TSPYL1: variants seen among roughly 807,000 people sequenced by gnomAD.
The protein encoded by TSPYL1 is testis-specific Y-encoded-like protein 1.
Under a neutral mutation model 20.1 loss-of-function variants are expected in TSPYL1, and 16 were observed. The observed-to-expected ratio is 0.80, with a 90% CI of 0.54 to 1.21. TSPYL1 has a LOEUF of 1.21. Ranked by LOEUF, TSPYL1 falls within the 50% of genes most tolerant of loss-of-function variation. TSPYL1 has a pLI of 0.00. For missense variants in TSPYL1, 560 were observed against 569.3 expected, an observed-to-expected ratio of 0.98 and a Z score of 0.17; for synonymous variants, 259 against 227.1, an observed-to-expected ratio of 1.14 and a Z score of -1.26.
rs386408358 is a variant in TSPYL1, at chr6:116,275,798, C to CAA, written c.*2717_*2718dup. 0.21 allele frequency among the ~76,000 whole-genome samples: 22,466 copies of CAA among 105,236 alleles called. 2,223 individuals carry two copies. Among genetic ancestry groups the CAA allele is most frequent in the African/African-American group, 0.28 (9,316 of 33,352 alleles). 69.0% of individuals were successfully genotyped at this position (105,236 alleles called of 152,430 possible). On this transcript the variant is annotated 3_prime_UTR_variant, in exon 1 of 1. Transcript: ENST00000368608. ...CCTGGGCAAGAGTGGGACTCTATCT[C>CAA]AAAAAAAAAAAAAAAAAATGCTAGA...
Position 116,278,808 on chromosome 6 carries a change from C to T in TSPYL1, c.1023G>A (p.Glu341=), listed in dbSNP as rs760866590. 6.2e-7 allele frequency: 1 copy of T among 1,614,110 alleles called. No homozygotes were observed. Among genetic ancestry groups the T allele is most frequent in the South Asian group, 1.1e-5 (1 of 91,078 alleles). ...FRNKLIVKEY[E]VRSSGRVVSL... ...ACACCACTCGGCCGGAGGATCTTAC[C>T]TCATATTCCTTGACAATCAGCTTGT... is the stretch of plus-strand genomic sequence containing the variant. Residue 341 remains glutamate (E), a synonymous_variant, in exon 1 of 1, where the codon GAG becomes GAA. Transcript: ENST00000368608.
Position 116,279,189 on chromosome 6 carries a change from C to G in TSPYL1, c.642G>C (p.Ala214=). 6.2e-7 allele frequency: 1 copy of G among 1,611,682 alleles called. No homozygotes were observed. Among genetic ancestry groups the G allele is most frequent in the Non-Finnish European group, 8.5e-7 (1 of 1,179,648 alleles). Residue 214 remains alanine (A), a synonymous_variant, in exon 1 of 1, where the codon GCG becomes GCC. Coordinates refer to ENST00000368608, the MANE Select transcript of TSPYL1 (RefSeq NM_003309.4). The part of the protein sequence containing the change: ...VAEEDRLEEE[A]REEEGPWPLH... Reference sequence around the variant, plus strand: ...AAGGCCAGGGCCCTTCTTCCTCCCTCGCCTCCTCCTCCAATCTATCCTCCT... The same window carrying G: ...AAGGCCAGGGCCCTTCTTCCTCCCTGGCCTCCTCCTCCAATCTATCCTCCT...
rs1303472563 is a variant in TSPYL1 at position 116,277,034 on chromosome 6, CAT to C, written c.*1481_*1482del. On this transcript the variant is annotated 3_prime_UTR_variant, in exon 1 of 1. Transcript: ENST00000368608. ...CAAGTTGAAAACTGTTATGACTATT[CAT>C]ATGTCTCTATATTGTACAGGCAAGT... 10 of 152,244 alleles carry C rather than the reference CAT, an allele frequency of 6.6e-5. No individual in the cohort carries two copies. Among genetic ancestry groups the C allele is most frequent in the Admixed American group, 3.9e-4 (6 of 15,296 alleles). The allele number at this position is 152,244 out of a possible 1,614,324, so 9.4% of individuals were successfully genotyped here.
At position 116,277,814 on chromosome 6, in the gene TSPYL1, A is replaced by G. The variant is rs1461183685; in HGVS notation, c.*703T>C. On this transcript the variant is annotated 3_prime_UTR_variant, in exon 1 of 1. Coordinates refer to ENST00000368608, the MANE Select transcript of TSPYL1 (RefSeq NM_003309.4). ...CTACTCGGGAGGCTGAGGCAGGAGA[A>G]TCGCTTGAACCCGGGAGGTGGAGGT... The G allele has an allele frequency of 6.6e-6, 1 of 150,540 alleles. No homozygotes were observed. The highest frequency in any genetic ancestry group is 1.5e-5 in the Non-Finnish European group (1 of 67,848). 9.3% of individuals were successfully genotyped at this position (150,540 alleles called of 1,614,324 possible). A position where few individuals can be genotyped will look rare whatever the true frequency, so the allele number is the denominator to read the frequency against.
At position 116,278,718 on chromosome 6, in the gene TSPYL1, T is replaced by C. The variant is rs371415913; in HGVS notation, c.1113A>G (p.Gln371=). Residue 371 remains glutamine (Q), a synonymous_variant, in exon 1 of 1, where the codon CAA becomes CAG. Coordinates refer to ENST00000368608, the MANE Select transcript of TSPYL1 (RefSeq NM_003309.4). ...HEPQSFIRRN[Q]DLICSFFTWF... is the part of the protein sequence containing the mutation. Reference sequence around the variant, plus strand: ...AAGTGAAGAAGCTGCAGATGAGGTCTTGGTTTCTGCGAATGAAGGACTGGG... The same window carrying C: ...AAGTGAAGAAGCTGCAGATGAGGTCCTGGTTTCTGCGAATGAAGGACTGGG... The C allele has an allele frequency of 4.6e-5, 75 of 1,614,150 alleles. No individual in the cohort carries two copies. The South Asian group carries it at 5.9e-4, about 13-fold the overall frequency.
At position 116,279,904 on chromosome 6, in the gene TSPYL1, T is replaced by C. The variant is rs1332422797; in HGVS notation, c.-74A>G. The C allele has an allele frequency of 1.3e-6, 2 of 1,596,920 alleles. No homozygotes were observed. The highest frequency in any genetic ancestry group is 1.7e-6 in the Non-Finnish European group (2 of 1,165,710). Reference sequence around the variant, plus strand: ...GGCCGAACTGGGAGCTAACCGCCGCTCGCACCGCCCACCCTACAGTCTCAC... The same window carrying C: ...GGCCGAACTGGGAGCTAACCGCCGCCCGCACCGCCCACCCTACAGTCTCAC... On this transcript the variant is annotated 5_prime_UTR_variant, in exon 1 of 1. Coordinates refer to ENST00000368608, the MANE Select transcript of TSPYL1 (RefSeq NM_003309.4).
Position 116,277,811 on chromosome 6 carries a change from A to G in TSPYL1, c.*706T>C. Reference sequence around the variant, plus strand: ...CAGCTACTCGGGAGGCTGAGGCAGGAGAATCGCTTGAACCCGGGAGGTGGA... The same window carrying G: ...CAGCTACTCGGGAGGCTGAGGCAGGGGAATCGCTTGAACCCGGGAGGTGGA... On this transcript the variant is annotated 3_prime_UTR_variant, in exon 1 of 1. Coordinates refer to ENST00000368608, the MANE Select transcript of TSPYL1 (RefSeq NM_003309.4). 1 of 148,494 alleles carries G rather than the reference A, an allele frequency of 6.7e-6. No homozygotes were observed. Among genetic ancestry groups the G allele is most frequent in the Non-Finnish European group, 1.5e-5 (1 of 67,410 alleles). The allele number at this position is 148,494 out of a possible 1,614,324, so 9.2% of individuals were successfully genotyped here. A position where few individuals can be genotyped will look rare whatever the true frequency, so the allele number is the denominator to read the frequency against.
In TSPYL1 at chr6:116,279,207, A is replaced by C. The variant is rs750322697; in HGVS notation, c.624T>G (p.Asp208Glu). Residue 208 changes from aspartate (D) to glutamate (E), a missense_variant, in exon 1 of 1, where the codon GAT becomes GAG. Physicochemically the swap from Asp to Glu is conservative, Grantham distance 45. Coordinates refer to ENST00000368608, the MANE Select transcript of TSPYL1 (RefSeq NM_003309.4). Reference sequence around the variant, plus strand: ...CCTCCCTCGCCTCCTCCTCCAATCTATCCTCCTCCGCCACTTCTATTTCTT... The same window carrying C: ...CCTCCCTCGCCTCCTCCTCCAATCTCTCCTCCTCCGCCACTTCTATTTCTT... ...EGEEIEVAEE[D>E]RLEEEAREEE... 19 of 1,609,698 alleles carry C rather than the reference A, an allele frequency of 1.2e-5. No homozygotes were observed. The highest frequency in any genetic ancestry group is 2.7e-5 in the African/African-American group (2 of 74,800).
rs901058730 is a variant in TSPYL1, at chr6:116,275,788, G to A, written c.*2729C>T. 3.7e-5 allele frequency among the ~76,000 whole-genome samples: 5 copies of A among 136,380 alleles called. No homozygotes were observed. Among genetic ancestry groups the A allele is most frequent in the African/African-American group, 1.6e-4 (5 of 31,474 alleles). 89.5% of individuals were successfully genotyped at this position (136,380 alleles called of 152,430 possible). On this transcript the variant is annotated 3_prime_UTR_variant, in exon 1 of 1. Transcript: ENST00000368608. ...TGCGCTCCAGCCTGGGCAAGAGTGGGACTCTATCTCAAAAAAAAAAAAAAA... is the reference window on the plus strand; with the variant it reads ...TGCGCTCCAGCCTGGGCAAGAGTGGAACTCTATCTCAAAAAAAAAAAAAAA...
At position 116,278,838 on chromosome 6, in the gene TSPYL1, G is replaced by T; in HGVS notation, c.993C>A (p.Phe331Leu). 6.2e-7 allele frequency: 1 copy of T among 1,614,126 alleles called. No homozygotes were observed. Among genetic ancestry groups the T allele is most frequent in the African/African-American group, 1.3e-5 (1 of 75,012 alleles). ...ATTCCTTGACAATCAGCTTGTTTCT[G>T]AAGTAGGGGTTTCTTCTAAAGAAGA... ...FKFFFRRNPY[F>L]RNKLIVKEYE... The change falls in exon 1 of 1, where the codon TTC becomes TTA. Residue 331 changes from phenylalanine to leucine, a missense_variant. Phe to Leu is a conservative substitution (Grantham distance 22). Coordinates refer to ENST00000368608, the MANE Select transcript of TSPYL1 (RefSeq NM_003309.4).
rs1479637809 is a variant in TSPYL1, at chr6:116,276,091, C to G, written c.*2426G>C. On this transcript the variant is annotated 3_prime_UTR_variant, in exon 1 of 1. Coordinates refer to ENST00000368608, the MANE Select transcript of TSPYL1 (RefSeq NM_003309.4). ...TTAATTTTCTAGAACAGAGGTCCCT[C>G]CAAAGTACACTAAGTGCATAAAGAA... Among the ~76,000 whole-genome samples the G allele has an allele frequency of 6.6e-6, 1 of 152,134 alleles. No homozygotes were observed. Among genetic ancestry groups the G allele is most frequent in the East Asian group, 1.9e-4 (1 of 5,190 alleles).
rs531162295 is a variant in TSPYL1 at position 116,279,739 on chromosome 6, T to A, written c.92A>T (p.His31Leu). 1 of 1,611,952 alleles carries A rather than the reference T, an allele frequency of 6.2e-7. No homozygotes were observed. The highest frequency in any genetic ancestry group is 1.1e-5 in the South Asian group (1 of 91,086). The change falls in exon 1 of 1, where the codon CAC (histidine) becomes CTC (leucine). Residue 31 changes from histidine (H) to leucine (L), a missense_variant. Transcript: ENST00000368608. ...TTGGTCGCGGAGCCTCAGGTACTGG[T>A]GTGCGTCCTGGTCGCTCGGGACTTG... ...SDQVPSDQDA[H>L]QYLRLRDQSE...
Position 116,279,453 on chromosome 6 carries a change from C to A in TSPYL1, c.378G>T (p.Gln126His), listed in dbSNP as rs61746508. Reference protein sequence around the residue: ...AADRSLKKGVQGGEKALEICG... With the variant: ...AADRSLKKGVHGGEKALEICG... ...AGATTTCTAGGGCCTTCTCTCCACCCTGAACGCCCTTTTTCAGGCTGCGGT... is the reference window on the plus strand; with the variant it reads ...AGATTTCTAGGGCCTTCTCTCCACCATGAACGCCCTTTTTCAGGCTGCGGT... Residue 126 changes from glutamine (Q) to histidine (H), a missense_variant, in exon 1 of 1, where the codon CAG becomes CAT. Gln to His is a conservative substitution (Grantham distance 24). Transcript: ENST00000368608. The A allele has an allele frequency of 0.014, 22,768 of 1,613,318 alleles. 198 individuals carry two copies. Among genetic ancestry groups the A allele is most frequent in the Non-Finnish European group, 0.015 (18,218 of 1,180,036 alleles).
Position 116,279,930 on chromosome 6 carries a change from T to C in TSPYL1, c.-100A>G, listed in dbSNP as rs1378470779. On this transcript the variant is annotated 5_prime_UTR_variant, in exon 1 of 1. Transcript: ENST00000368608. ...CGCACCGCCCACCCTACAGTCTCAC[T>C]AACATTTCAGCGGCGGTGTCGTCAG... The C allele has an allele frequency of 6.5e-6, 10 of 1,542,548 alleles. No individual in the cohort carries two copies. In the Admixed American group the frequency reaches 8.4e-5, roughly 13 times the overall value.
Position 116,278,981 on chromosome 6 carries a change from G to A in TSPYL1, c.850C>T (p.Arg284Ter), listed in dbSNP as rs1773307089. The A allele has an allele frequency of 6.2e-7, 1 of 1,613,966 alleles. No homozygotes were observed. The highest frequency in any genetic ancestry group is 8.5e-7 in the Non-Finnish European group (1 of 1,180,032). ...ATGGCGGACAACTGGGGGTGGTTTC[G>A]AAAAGCAGTCATCCAGAAGCCCGGG... Reference protein sequence around the residue: ...NIPGFWMTAFRNHPQLSAMIR... With the variant: ...NIPGFWMTAF The change falls in exon 1 of 1, where the codon CGA (arginine) becomes TGA (stop). Residue 284 changes from arginine (R) to a stop codon, truncating the protein, a stop_gained. Transcript: ENST00000368608. LOFTEE classifies it high-confidence loss of function.
Position 116,279,777 on chromosome 6 carries a change from G to T in TSPYL1, c.54C>A (p.Ile18=), listed in dbSNP as rs1391610591. 1 of 1,612,758 alleles carries T rather than the reference G, an allele frequency of 6.2e-7. No individual in the cohort carries two copies. Among genetic ancestry groups the T allele is most frequent in the Admixed American group, 1.7e-5 (1 of 60,030 alleles). ...KRTTPLQTHS[I]IISDQVPSDQ... ...CGCTCGGGACTTGGTCAGAAATAAT[G>T]ATGCTGTGGGTTTGGAGGGGAGTGG... is the stretch of plus-strand genomic sequence containing the variant. The change falls in exon 1 of 1, where the codon ATC becomes ATA. Residue 18 remains isoleucine, a synonymous_variant. Transcript: ENST00000368608.
At position 116,279,508 on chromosome 6, in the gene TSPYL1, A is replaced by G. The variant is rs1004713062; in HGVS notation, c.323T>C (p.Leu108Pro). ...TGCCATCACCACAGAAGCGGCTGCC[A>G]GGCCTTCGGCGGGAGGCTGGCCCTC... ...QEEGQPPAEG[L>P]AAASVVMAAD... The change falls in exon 1 of 1, where the codon CTG becomes CCG. Residue 108 changes from leucine (L) to proline (P), a missense_variant. Physicochemically the swap from Leu to Pro is moderately conservative, Grantham distance 98. Coordinates refer to ENST00000368608, the MANE Select transcript of TSPYL1 (RefSeq NM_003309.4). The G allele has an allele frequency of 1.9e-6, 3 of 1,609,830 alleles. No individual in the cohort carries two copies. In the Admixed American group the frequency reaches 5.0e-5, roughly 27 times the overall value.
At position 116,276,478 on chromosome 6, in the gene TSPYL1, C is replaced by T. The variant is rs946971809; in HGVS notation, c.*2039G>A. Reference sequence around the variant, plus strand: ...CTACCTTGGAAGGTACCAAACATACCGTGCCCTGCTTTCTTCTCTTTGGGA... The same window carrying T: ...CTACCTTGGAAGGTACCAAACATACTGTGCCCTGCTTTCTTCTCTTTGGGA... On this transcript the variant is annotated 3_prime_UTR_variant, in exon 1 of 1. Coordinates refer to ENST00000368608, the MANE Select transcript of TSPYL1 (RefSeq NM_003309.4). The T allele has an allele frequency of 6.6e-6, 1 of 152,160 alleles. No individual in the cohort carries two copies. The highest frequency in any genetic ancestry group is 6.5e-5 in the Admixed American group (1 of 15,272). The allele number at this position is 152,160 out of a possible 1,614,324, so 9.4% of individuals were successfully genotyped here.
rs1773183876 is a variant in TSPYL1 at position 116,277,207 on chromosome 6, A to C, written c.*1310T>G. 6.5e-6 allele frequency: 1 copy of C among 152,698 alleles called. No individual in the cohort carries two copies. Among genetic ancestry groups the C allele is most frequent in the Admixed American group, 6.5e-5 (1 of 15,294 alleles). 9.5% of individuals were successfully genotyped at this position (152,698 alleles called of 1,614,324 possible). On this transcript the variant is annotated 3_prime_UTR_variant, in exon 1 of 1. Transcript: ENST00000368608. ...TCTTCCACATAAATTAGGTCACAAA[A>C]CAAGTAAGAAAGCATTCAAAGTTGC...
Sources: allele counts gnomAD v4.1 joint callset (sites outside exome capture counted in the v4.1 genomes callset), GRCh38; gene constraint gnomAD v4.1.1; transcripts MANE v1.5; gene names NCBI Gene and HGNC (gene_info 2026-07-23, HGNC 2026-07-21).